Variants in UBE2G1 observed in about 807,000 individuals in gnomAD.
UBE2G1 encodes the protein ubiquitin-conjugating enzyme E2 G1.
A neutral mutation model predicts 22.7 loss-of-function variants in UBE2G1; 5 were observed. The observed-to-expected ratio is 0.22, with a 90% CI of 0.12 to 0.46. The LOEUF is 0.46. Among genes scored for constraint, UBE2G1 ranks in the 20% least tolerant of loss-of-function variants. The probability of loss-of-function intolerance (pLI) is 0.99; values close to 1 mark genes in which losing one functional copy is unlikely to be tolerated. For synonymous variants in UBE2G1, 74 were observed against 67.5 expected, an observed-to-expected ratio of 1.10 and a Z score of -0.47; for missense variants, 88 against 203.9, an observed-to-expected ratio of 0.43 and a Z score of 3.46.
At chr17:4,339,409 A>G (rs1969685797) in intron 1 of UBE2G1, among the ~76,000 whole-genome samples, 1 of 151,872 alleles carries the variant, frequency 6.6e-6, no homozygotes, top group South Asian at 2.1e-4. Context: ...GCTTCAAGCA[A>G]TTCTCCTGCC....
chr17:4,327,077 CCT>C (rs1969511086), intron 1 of UBE2G1, among the ~76,000 whole-genome samples: 1 of 152,162 alleles, frequency 6.6e-6, no homozygotes, highest in Admixed American at 6.5e-5. Flanking sequence ...AGGTGGATCA[CCT>C]GAGTTCAGAA....
At chr17:4,359,172 G>T (rs1161383881) in intron 1 of UBE2G1, among the ~76,000 whole-genome samples, 1 of 151,962 alleles carries the variant, frequency 6.6e-6, no homozygotes, top group Non-Finnish European at 1.5e-5. Context: ...CTGACATAAA[G>T]AACTTTTTTA....
chr17:4,327,784 T>C (rs1969519547), intron 1 of UBE2G1, among the ~76,000 whole-genome samples: 1 of 152,154 alleles, frequency 6.6e-6, no homozygotes, highest in Non-Finnish European at 1.5e-5. Flanking sequence ...CCCTCAAGCC[T>C]TCGACGTGGC....
At chr17:4,305,566 G>A (rs1003026478) in intron 2 of UBE2G1, among the ~76,000 whole-genome samples, 1 of 152,028 alleles carries the variant, frequency 6.6e-6, no homozygotes, top group African/African-American at 2.4e-5. Context: ...TTTTTGAGAC[G>A]GAGTCTCGCT....
intron 5 of UBE2G1, among the ~76,000 whole-genome samples, chr17:4,280,328 C>T (rs1281343152): frequency 4.4e-5 from 6 of 136,660 alleles, no homozygotes; most frequent in African/African-American, 1.1e-4. Context: ...TGAGCCGCGG[C>T]ACCTGGGCTT....
chr17:4,314,021 T>C (rs1412260991), intron 1 of UBE2G1, among the ~76,000 whole-genome samples: 1 of 152,132 alleles, frequency 6.6e-6, no homozygotes, highest in Admixed American at 6.5e-5. Flanking sequence ...AAAGAGCATA[T>C]GAAAAGTAAA....
Position 4,282,992 on chromosome 17 carries a change from A to C in UBE2G1, c.427-71T>G, listed in dbSNP as rs528761885. ...CTTTATAATCTCAAATATTTATTTT[A>C]ATTTTGAATGTAATCCCTTGGTGAT... On this transcript the variant is annotated intron_variant, in intron 4 of 5. Coordinates refer to ENST00000396981, the MANE Select transcript of UBE2G1 (RefSeq NM_003342.5). 1.2e-5 allele frequency: 15 copies of C among 1,248,068 alleles called. No homozygotes were observed. In the African/African-American group the frequency reaches 2.1e-4, roughly 18 times the overall value. 77.3% of individuals were successfully genotyped at this position (1,248,068 alleles called of 1,614,324 possible). A position where few individuals can be genotyped will look rare whatever the true frequency, so the allele number is the denominator to read the frequency against.
chr17:4,342,769 A>C (rs1288368969), intron 1 of UBE2G1, among the ~76,000 whole-genome samples: 3 of 152,152 alleles, frequency 2.0e-5, no homozygotes, highest in African/African-American at 7.2e-5. Flanking sequence ...TTAAAATGTA[A>C]ATCAGGTCAT....
intron 1 of UBE2G1, among the ~76,000 whole-genome samples, chr17:4,318,488 C>G (rs1017853290): frequency 2.6e-5 from 4 of 152,134 alleles, no homozygotes; most frequent in African/African-American, 7.2e-5. Context: ...GAAGCCAAAA[C>G]GAAGAATAAG....
intron 1 of UBE2G1, among the ~76,000 whole-genome samples, chr17:4,334,043 C>A (rs995482702): frequency 6.6e-6 from 1 of 151,770 alleles, no homozygotes; most frequent in African/African-American, 2.4e-5. Context: ...ACGTGAATGG[C>A]AGAACATGTC....
At position 4,303,217 on chromosome 17, in the gene UBE2G1, C is replaced by A. The variant is rs7504037; in HGVS notation, c.149+3804G>T. 3.3e-5 allele frequency among the ~76,000 whole-genome samples: 5 copies of A among 152,128 alleles called. No individual in the cohort carries two copies. The East Asian group carries it at 5.8e-4, about 18-fold the overall frequency. On this transcript the variant is annotated intron_variant, in intron 2 of 5. Coordinates refer to ENST00000396981, the MANE Select transcript of UBE2G1 (RefSeq NM_003342.5). ...GGTTATGTGGACTGCTGAGCAGTGA[C>A]CCTTCTGAGTTGATTTTTCTGTTAC... is the stretch of plus-strand genomic sequence containing the variant.
At chr17:4,344,698 A>G (rs533694489) in intron 1 of UBE2G1, among the ~76,000 whole-genome samples, 2 of 151,834 alleles carry the variant, frequency 1.3e-5, no homozygotes, top group South Asian at 4.2e-4. Flanking sequence ...AAAAATAAAC[A>G]TAAAACTTAG....
intron 1 of UBE2G1, among the ~76,000 whole-genome samples, chr17:4,307,335 C>CT (rs976542287): frequency 1.3e-5 from 2 of 152,166 alleles, no homozygotes; most frequent in African/African-American, 4.8e-5. Context: ...AGAAGATCAA[C>CT]TTCTACTGGT....
chr17:4,277,234 C>A (rs1968831446), intron 5 of UBE2G1, among the ~76,000 whole-genome samples: 1 of 152,196 alleles, frequency 6.6e-6, no homozygotes, highest in Non-Finnish European at 1.5e-5. Flanking sequence ...CAGATGCACC[C>A]CAGTTGAGTC....
intron 4 of UBE2G1, among the ~76,000 whole-genome samples, chr17:4,285,939 G>A (rs1368986057): frequency 6.8e-6 from 1 of 146,782 alleles, no homozygotes; most frequent in African/African-American, 2.5e-5. Flanking sequence ...GACAGAGCGA[G>A]ACTACATCTT....
chr17:4,293,344 A>G lies in UBE2G1; in HGVS notation c.247+3373T>C, dbSNP rs535884282. On this transcript the variant is annotated intron_variant, in intron 3 of 5. Transcript: ENST00000396981. ...ATTTCTTTCTTTTCTTTAGAAAACA[A>G]TATCATGTAATTCATTTCTTTTTAT... 4.6e-5 allele frequency among the ~76,000 whole-genome samples: 7 copies of G among 152,340 alleles called. No individual in the cohort carries two copies. In the South Asian group the frequency reaches 1.0e-3, roughly 23 times the overall value.
At chr17:4,302,488 C>G (rs956941546) in intron 2 of UBE2G1, 1 of 473,928 alleles carries the variant, frequency 2.1e-6, no homozygotes. Flanking sequence ...GCACTCCATT[C>G]AGAATCTTGG....
intron 1 of UBE2G1, among the ~76,000 whole-genome samples, chr17:4,329,602 C>T (rs570616520): frequency 6.6e-5 from 10 of 151,456 alleles, no homozygotes; most frequent in Non-Finnish European, 1.3e-4. Flanking sequence ...TAAACAACTT[C>T]TTAGAAGACA....
At chr17:4,332,496 A>G (rs1357490306) in intron 1 of UBE2G1, among the ~76,000 whole-genome samples, 2 of 152,158 alleles carry the variant, frequency 1.3e-5, no homozygotes, top group Non-Finnish European at 2.9e-5. Flanking sequence ...GAGTCACATC[A>G]TGTCACTATA....
Sources: allele counts gnomAD v4.1 joint callset (sites outside exome capture counted in the v4.1 genomes callset), GRCh38; gene constraint gnomAD v4.1.1; transcripts MANE v1.5; gene names NCBI Gene and HGNC (gene_info 2026-07-23, HGNC 2026-07-21).